MYO9B: variants seen among roughly 807,000 people sequenced by gnomAD.
The protein encoded by MYO9B is unconventional myosin-IXb.
A neutral mutation model predicts 229.5 loss-of-function variants in MYO9B; 71 were observed. The ratio of observed to expected loss-of-function variants is 0.31; its 90% CI spans 0.26 to 0.38. MYO9B has a LOEUF of 0.38. Among genes scored for constraint, MYO9B ranks in the 10% least tolerant of loss-of-function variants. The pLI, the probability that MYO9B is intolerant of heterozygous loss-of-function variation, is 1.00. For synonymous variants in MYO9B, 1,185 were observed against 1,235.8 expected, an observed-to-expected ratio of 0.96 and a Z score of 0.86; for missense variants, 2,255 against 2,920.5, an observed-to-expected ratio of 0.77 and a Z score of 5.25.
intron 18 of MYO9B, among the ~76,000 whole-genome samples, chr19:17,187,029 C>T (rs527908440): frequency 9.9e-5 from 15 of 152,186 alleles, no homozygotes; most frequent in Non-Finnish European, 1.8e-4. Flanking sequence ...CGCCCAGCAC[C>T]GTTTGTCTTT....
intron 2 of MYO9B, among the ~76,000 whole-genome samples, chr19:17,104,831 C>A (rs565839928): frequency 6.6e-6 from 1 of 152,168 alleles, no homozygotes; most frequent in East Asian, 1.9e-4. Flanking sequence ...ACCCCTCCCA[C>A]GCCCAGGTTC....
At chr19:17,088,812 T>C (rs1242647829) in intron 1 of MYO9B, among the ~76,000 whole-genome samples, 1 of 152,162 alleles carries the variant, frequency 6.6e-6, no homozygotes, top group African/African-American at 2.4e-5. Flanking sequence ...CACCTCAGCC[T>C]CCTGAGTACC....
intron 22 of MYO9B, among the ~76,000 whole-genome samples, chr19:17,197,435 G>C (rs549434739): frequency 2.6e-3 from 387 of 151,572 alleles, no homozygotes; most frequent in African/African-American, 8.7e-3. Flanking sequence ...TAGATAGATA[G>C]ATAGATAGAT....
chr19:17,156,769 G>T, intron 6 of MYO9B, 140 bp from the exon 7 acceptor site: 1 of 918,938 alleles, frequency 1.1e-6, no homozygotes, highest in East Asian at 2.6e-5. Flanking sequence ...ATCCTCAACA[G>T]AGGCCTTAGA....
Position 17,198,199 on chromosome 19 carries a change from A to G in MYO9B, c.4129A>G (p.Thr1377Ala). 1 of 1,613,796 alleles carries G rather than the reference A, an allele frequency of 6.2e-7. No homozygotes were observed. The highest frequency in any genetic ancestry group is 8.5e-7 in the Non-Finnish European group (1 of 1,179,870). ...LAKAQPAAETTDGERSAKKPA... is the reference protein window; with the variant it reads ...LAKAQPAAETADGERSAKKPA... Reference sequence around the variant, plus strand: ...CGTCTTGCAGCCTGCAGCAGAAACCACGGACGGAGAGCGAAGTGCGAAAAA... The same window carrying G: ...CGTCTTGCAGCCTGCAGCAGAAACCGCGGACGGAGAGCGAAGTGCGAAAAA... The change falls in exon 24 of 40, where the codon ACG becomes GCG. Residue 1377 changes from threonine (T) to alanine (A), a missense_variant. This residue lies in a region of MYO9B where 679 missense variants were observed against 770.2 expected (regional missense o/e 0.88). Coordinates refer to ENST00000682292, the MANE Select transcript of MYO9B (RefSeq NM_004145.4).
chr19:17,203,779 C>T (rs1393306912), intron 30 of MYO9B, among the ~76,000 whole-genome samples: 1 of 152,132 alleles, frequency 6.6e-6, no homozygotes, highest in Non-Finnish European at 1.5e-5. Flanking sequence ...CACCCACCCA[C>T]ATCTGCAGCC....
chr19:17,209,694 C>T lies in MYO9B; in HGVS notation c.5733C>T (p.Leu1911=), dbSNP rs752078843. 1 of 1,613,726 alleles carries T rather than the reference C, an allele frequency of 6.2e-7. No individual in the cohort carries two copies. The highest frequency in any genetic ancestry group is 1.3e-5 in the African/African-American group (1 of 75,070). The part of the protein sequence containing the change: ...AESIAFRRLS[L]LRQNAPWPLK... ...GTATCGCCTTCCGCAGGCTTTCGCT[C>T]CTGCGACAAAATGCTGTGAGTACCG... Residue 1911 remains leucine (L), a synonymous_variant, in exon 36 of 40, where the codon CTC becomes CTT. Coordinates refer to ENST00000682292, the MANE Select transcript of MYO9B (RefSeq NM_004145.4).
chr19:17,090,118 C>CTT lies in MYO9B; in HGVS notation c.-58-11500_-58-11499dup, dbSNP rs59440394. 4.6e-3 allele frequency among the ~76,000 whole-genome samples: 225 copies of CTT among 49,232 alleles called. 60 individuals carry two copies. The highest frequency in any genetic ancestry group is 6.8e-3 in the East Asian group (11 of 1,606). 32.3% of individuals were successfully genotyped at this position (49,232 alleles called of 152,430 possible). A position where few individuals can be genotyped will look rare whatever the true frequency, so the allele number is the denominator to read the frequency against. On this transcript the variant is annotated intron_variant, in intron 1 of 39. Coordinates refer to ENST00000682292, the MANE Select transcript of MYO9B (RefSeq NM_004145.4). The stretch of plus-strand genomic sequence containing the variant: ...TATAGCATGAATCGGTGCTTCCTTC[C>CTT]TTTTTTTTTTTTTTTTTTTTTTTTT...
Position 17,134,584 on chromosome 19 carries a change from T to C in MYO9B, c.841-10813T>C, listed in dbSNP as rs564973042. On this transcript the variant is annotated intron_variant, in intron 2 of 39. Coordinates refer to ENST00000682292, the MANE Select transcript of MYO9B (RefSeq NM_004145.4). ...TTTTTCTGTTCTAGTAGAGATGAGA[T>C]TTTACCACGTTAACCAGGTTGGTGT... Among the ~76,000 whole-genome samples, 39 of 151,592 alleles carry C rather than the reference T, an allele frequency of 2.6e-4. No individual in the cohort carries two copies. The Middle Eastern group carries it at 0.014, about 53-fold the overall frequency.
At chr19:17,210,571 C>G (rs1049087301) in intron 37 of MYO9B, 144 bp from the exon 38 acceptor site, 1 of 1,267,404 alleles carries the variant, frequency 7.9e-7, no homozygotes, top group East Asian at 2.6e-5. Flanking sequence ...GACCACCACT[C>G]TGTCCCATGG....
At position 17,192,798 on chromosome 19, in the gene MYO9B, A is replaced by C. The variant is rs1468707699; in HGVS notation, c.2864A>C (p.Glu955Ala). The C allele has an allele frequency of 6.4e-7, 1 of 1,558,674 alleles. No homozygotes were observed. The change falls in exon 21 of 40, where the codon GAG (glutamate) becomes GCG (alanine). Residue 955 changes from glutamate to alanine, a missense_variant. Transcript: ENST00000682292. The stretch of plus-strand genomic sequence containing the variant: ...GCCCTGCAGGAGACGCTGCACCGGG[A>C]GGTGGTGCGGAAAATCCTGCTGCTG... The part of the protein sequence containing the change: ...RQALQETLHR[E>A]VVRKILLLQS...
At chr19:17,107,991 C>T (rs1352290871) in intron 2 of MYO9B, among the ~76,000 whole-genome samples, 1 of 152,210 alleles carries the variant, frequency 6.6e-6, no homozygotes, top group Non-Finnish European at 1.5e-5. Context: ...CTGGCAAGTC[C>T]CACTTGGTGA....
intron 2 of MYO9B, among the ~76,000 whole-genome samples, chr19:17,139,424 G>T (rs2072310400): frequency 6.6e-6 from 1 of 152,262 alleles, no homozygotes; most frequent in African/African-American, 2.4e-5. Context: ...ACTCCAGCCT[G>T]GGCGACAGAC....
chr19:17,143,835 C>T (rs1321919064), intron 2 of MYO9B, among the ~76,000 whole-genome samples: 3 of 152,250 alleles, frequency 2.0e-5, no homozygotes, highest in East Asian at 3.9e-4. Context: ...GCAGGAGAAT[C>T]GCTTGAACCT....
intron 38 of MYO9B, 124 bp downstream of exon 38, chr19:17,210,972 C>CA (rs2073221137): frequency 3.8e-5 from 18 of 478,406 alleles, no homozygotes; most frequent in Non-Finnish European, 5.1e-5. Flanking sequence ...ACTGGGCAAA[C>CA]AACACTTTTT....
At chr19:17,128,305 C>T (rs11671326) in intron 2 of MYO9B, among the ~76,000 whole-genome samples, 38,471 of 151,828 alleles carry the variant, frequency 0.25, 5,141 homozygotes, top group East Asian at 0.41. Flanking sequence ...GCGGGAGGAT[C>T]GCTTAAGCCC....
intron 11 of MYO9B, among the ~76,000 whole-genome samples, chr19:17,171,984 T>C (rs2072729491): frequency 6.6e-6 from 1 of 152,100 alleles, no homozygotes; most frequent in Non-Finnish European, 1.5e-5. Flanking sequence ...CTTGAGAGCG[T>C]CACTTCACCC....
At chr19:17,088,108 T>A (rs561089683) in intron 1 of MYO9B, among the ~76,000 whole-genome samples, 1 of 152,128 alleles carries the variant, frequency 6.6e-6, no homozygotes. Flanking sequence ...TCAAAAAAGG[T>A]GTCAGCAGGA....
chr19:17,208,622 G>A (rs552812072), intron 35 of MYO9B, among the ~76,000 whole-genome samples: 73 of 152,026 alleles, frequency 4.8e-4, no homozygotes, highest in African/African-American at 1.7e-3. Flanking sequence ...TAGTAGAGAC[G>A]AGGTTTCACT....
Sources: gnomAD v4.1 joint callset for allele counts (sites outside exome capture counted in the v4.1 genomes callset) on GRCh38, gnomAD v4.1.1 for gene constraint, gnomAD v4.1.1 regional missense constraint, MANE v1.5 for transcripts, NCBI Gene and HGNC (gene_info 2026-07-23, HGNC 2026-07-21) for gene names.